Variants in AFG2A observed in about 807,000 individuals in gnomAD.
AFG2A encodes ATPase family gene 2 protein homolog A.
chr4:123,061,908 TA>T, the AFG2A span, among the ~76,000 whole-genome samples: 5 of 152,284 alleles, frequency 3.3e-5, no homozygotes, highest in South Asian at 1.0e-3. Context: ...TTTTGGACCC[TA>T]AAAAGGAACA....
the AFG2A span, among the ~76,000 whole-genome samples, chr4:123,254,127 G>A: frequency 6.6e-5 from 10 of 152,076 alleles, no homozygotes; most frequent in African/African-American, 2.4e-4. Flanking sequence ...TATGCATATT[G>A]TGAATATTTT....
At chr4:123,293,590 G>A in the AFG2A span, among the ~76,000 whole-genome samples, 1 of 152,150 alleles carries the variant, frequency 6.6e-6, no homozygotes, top group Non-Finnish European at 1.5e-5. Context: ...AAGATACAAG[G>A]GTTGAAGGAT....
the AFG2A span, among the ~76,000 whole-genome samples, chr4:123,059,283 C>T: frequency 1.3e-5 from 2 of 150,964 alleles, no homozygotes; most frequent in Non-Finnish European, 3.0e-5. Context: ...AGGTATATCT[C>T]CTAAAGCCAT....
the AFG2A span, among the ~76,000 whole-genome samples, chr4:123,269,694 C>G: frequency 6.6e-6 from 1 of 152,206 alleles, no homozygotes; most frequent in Non-Finnish European, 1.5e-5. Flanking sequence ...ACCAAAATAG[C>G]ACTGTACTTT....
At chr4:123,076,842 A>G in the AFG2A span, among the ~76,000 whole-genome samples, 10 of 151,930 alleles carry the variant, frequency 6.6e-5, no homozygotes, top group African/African-American at 1.5e-4. Flanking sequence ...GCTCAGGTCT[A>G]TCTTCAGAAT....
chr4:123,175,814 A>G, the AFG2A span, among the ~76,000 whole-genome samples: 2 of 152,342 alleles, frequency 1.3e-5, no homozygotes, highest in Non-Finnish European at 1.5e-5. Context: ...TAACAGAGCA[A>G]TAAAATAAAT....
the AFG2A span, among the ~76,000 whole-genome samples, chr4:122,992,506 A>C: frequency 6.6e-6 from 1 of 152,224 alleles, no homozygotes. Context: ...TCTCCAGATT[A>C]TTTCTGCAGA....
the AFG2A span, among the ~76,000 whole-genome samples, chr4:123,201,140 G>A: frequency 6.6e-6 from 1 of 152,182 alleles, no homozygotes; most frequent in African/African-American, 2.4e-5. Context: ...GTATTTAAGA[G>A]AGTGAATTTA....
At chr4:123,318,534 G>C in the AFG2A span, 1 of 152,102 alleles carries the variant, frequency 6.6e-6, no homozygotes, top group African/African-American at 2.4e-5. Context: ...TCATACAAAA[G>C]AGCAGGTCAG....
the AFG2A span, among the ~76,000 whole-genome samples, chr4:123,214,754 C>G: frequency 6.6e-6 from 1 of 151,992 alleles, no homozygotes; most frequent in African/African-American, 2.4e-5. Context: ...GACATGAAGA[C>G]CTTTATGATC....
chr4:123,241,547 A>G, the AFG2A span, among the ~76,000 whole-genome samples: 1 of 152,228 alleles, frequency 6.6e-6, no homozygotes, highest in Non-Finnish European at 1.5e-5. Context: ...GATTATCTCA[A>G]TAGATGCAGA....
At chr4:123,284,398 A>T in the AFG2A span, among the ~76,000 whole-genome samples, 2 of 152,246 alleles carry the variant, frequency 1.3e-5, no homozygotes, top group Admixed American at 1.3e-4. Context: ...GTCTGGGCTT[A>T]GGCCCAGTAT....
At chr4:123,014,464 G>A in the AFG2A span, among the ~76,000 whole-genome samples, 2 of 151,948 alleles carry the variant, frequency 1.3e-5, no homozygotes, top group South Asian at 2.1e-4. Context: ...TGTGTAAATG[G>A]TTAACCATTT....
chr4:123,112,674 T>C, the AFG2A span, among the ~76,000 whole-genome samples: 1 of 152,320 alleles, frequency 6.6e-6, no homozygotes, highest in Non-Finnish European at 1.5e-5. Context: ...AATGAATTTT[T>C]TTTATATCTG....
At chr4:122,929,412 G>A in the AFG2A span, among the ~76,000 whole-genome samples, 7 of 152,004 alleles carry the variant, frequency 4.6e-5, no homozygotes, top group African/African-American at 1.7e-4. Flanking sequence ...TACCAATAAG[G>A]GCTGGGCGCG....
At chr4:123,203,323 G>GTATT in the AFG2A span, among the ~76,000 whole-genome samples, 1 of 151,476 alleles carries the variant, frequency 6.6e-6, no homozygotes, top group African/African-American at 2.4e-5. Flanking sequence ...GCTAATTTTT[G>GTATT]TATTTATTTA....
the AFG2A span, chr4:122,934,676 T>G: frequency 1.2e-6 from 2 of 1,606,734 alleles, no homozygotes; most frequent in Non-Finnish European, 1.7e-6. Context: ...AGTAGCCAGC[T>G]GAAAGCAATT....
At chr4:123,180,134 C>T in the AFG2A span, among the ~76,000 whole-genome samples, 4 of 152,038 alleles carry the variant, frequency 2.6e-5, no homozygotes, top group Non-Finnish European at 5.9e-5. Flanking sequence ...GCACGAGAAT[C>T]GCTCGAACCC....
the AFG2A span, among the ~76,000 whole-genome samples, chr4:123,186,523 A>G: frequency 5.3e-5 from 8 of 152,192 alleles, no homozygotes; most frequent in Non-Finnish European, 1.0e-4. Context: ...AAAAGGTAGG[A>G]AATGCTCTTC....
Sources: allele counts gnomAD v4.1 joint callset (sites outside exome capture counted in the v4.1 genomes callset), GRCh38; gene constraint gnomAD v4.1.1; transcripts MANE v1.5; gene names NCBI Gene and HGNC (gene_info 2026-07-23, HGNC 2026-07-21).